NDUFA8: variants seen among roughly 807,000 people sequenced by gnomAD.
The protein encoded by NDUFA8 is NADH dehydrogenase [ubiquinone] 1 alpha subcomplex subunit 8.
NDUFA8 carries 16 observed loss-of-function variants against 20.9 expected under a neutral mutation model. The observed-to-expected ratio is 0.77, with a 90% CI of 0.52 to 1.16. The LOEUF (loss-of-function observed/expected upper bound fraction) is 1.16, where lower values mean the gene tolerates loss of function less well. NDUFA8 is among the 50% of genes most tolerant of loss of function. The pLI is 0.00. For synonymous variants in NDUFA8, 70 were observed against 76.1 expected, an observed-to-expected ratio of 0.92 and a Z score of 0.41; for missense variants, 202 against 216.4, an observed-to-expected ratio of 0.93 and a Z score of 0.42.
intron 3 of NDUFA8, among the ~76,000 whole-genome samples, chr9:122,147,599 G>A (rs1034913881): frequency 6.7e-6 from 1 of 149,340 alleles, no homozygotes; most frequent in Non-Finnish European, 1.5e-5. Flanking sequence ...ACCTGCACAT[G>A]CTAGAAGGCC....
chr9:122,151,606 A>C (rs1828999583), intron 2 of NDUFA8, among the ~76,000 whole-genome samples: 1 of 152,236 alleles, frequency 6.6e-6, no homozygotes, highest in Admixed American at 6.5e-5. Flanking sequence ...GAGGAGAGGC[A>C]AAAAGACATC....
rs144501532 is a variant in NDUFA8 at position 122,158,121 on chromosome 9, C to G, written c.51+1506G>C. Among the ~76,000 whole-genome samples, 523 of 152,280 alleles carry G rather than the reference C, an allele frequency of 3.4e-3. 4 individuals carry two copies. Among genetic ancestry groups the G allele is most frequent in the Middle Eastern group, 6.8e-3 (2 of 294 alleles). On this transcript the variant is annotated intron_variant, in intron 1 of 3. Coordinates refer to ENST00000373768, the MANE Select transcript of NDUFA8 (RefSeq NM_014222.3). ...TGGGCCAATATCGCGCCACTGCACT[C>G]CAGCCTGGGCAACAGAGCGAGACTC...
In NDUFA8 at chr9:122,148,168, C is replaced by A; in HGVS notation, c.325G>T (p.Glu109Ter). The change falls in exon 3 of 4, where the codon GAG becomes TAG. Residue 109 changes from glutamate (E) to a stop codon, truncating the protein, a stop_gained. Transcript: ENST00000373768. LOFTEE classifies it high-confidence loss of function. ...CAGCCCAGTTTGTCCAGCACACACT[C>A]GTCAAACTTTGCCTGCTGTTTGCGA... ...HCRKQQAKFDECVLDKLGWVR... is the reference protein window; with the variant it reads ...HCRKQQAKFD The A allele has an allele frequency of 6.2e-7, 1 of 1,614,144 alleles. No individual in the cohort carries two copies. The highest frequency in any genetic ancestry group is 2.2e-5 in the East Asian group (1 of 44,880).
At chr9:122,154,211 C>T (rs527669617) in intron 1 of NDUFA8, among the ~76,000 whole-genome samples, 2 of 152,342 alleles carry the variant, frequency 1.3e-5, no homozygotes, top group East Asian at 1.9e-4. Flanking sequence ...ATGTTGACTA[C>T]GGTACACACC....
At chr9:122,157,403 C>A (rs760600222) in intron 1 of NDUFA8, among the ~76,000 whole-genome samples, 1 of 152,236 alleles carries the variant, frequency 6.6e-6, no homozygotes, top group African/African-American at 2.4e-5. Context: ...AGGTGACCGG[C>A]AGGTAGGCCT....
chr9:122,155,508 A>G lies in NDUFA8; in HGVS notation c.52-3100T>C, dbSNP rs570619091. The stretch of plus-strand genomic sequence containing the variant: ...TATGACTATGTCTATTAATAGTGCA[A>G]CTGTTATAATTATCAAAGATAAAGT... On this transcript the variant is annotated intron_variant, in intron 1 of 3. Coordinates refer to ENST00000373768, the MANE Select transcript of NDUFA8 (RefSeq NM_014222.3). Among the ~76,000 whole-genome samples, 3 of 152,396 alleles carry G rather than the reference A, an allele frequency of 2.0e-5. No homozygotes were observed. The South Asian group carries it at 6.2e-4, about 32-fold the overall frequency.
downstream of NDUFA8, among the ~76,000 whole-genome samples, chr9:122,139,935 T>C (rs1828797629): frequency 6.6e-6 from 1 of 152,164 alleles, no homozygotes; most frequent in African/African-American, 2.4e-5. Flanking sequence ...TCAGGTGATC[T>C]GCCTGCCTCA....
At chr9:122,140,852 G>A (rs1255516078), downstream of NDUFA8, among the ~76,000 whole-genome samples, 3 of 152,132 alleles carry the variant, frequency 2.0e-5, no homozygotes, top group Non-Finnish European at 4.4e-5. Context: ...GTACAGAAAG[G>A]TTAAGTATCT....
chr9:122,137,687 C>G, the NDUFA8 span, among the ~76,000 whole-genome samples: 3 of 152,138 alleles, frequency 2.0e-5, no homozygotes, highest in African/African-American at 7.2e-5. Context: ...ATGAATTGCC[C>G]AGGTGATTAG....
the NDUFA8 span, among the ~76,000 whole-genome samples, chr9:122,139,022 C>T: frequency 1.3e-5 from 2 of 152,122 alleles, no homozygotes; most frequent in Non-Finnish European, 2.9e-5. Flanking sequence ...GGAGGCTGGA[C>T]TTTACCCAGC....
At chr9:122,153,605 A>G (rs1164280932) in intron 1 of NDUFA8, among the ~76,000 whole-genome samples, 1 of 152,178 alleles carries the variant, frequency 6.6e-6, no homozygotes, top group African/African-American at 2.4e-5. Context: ...GGGCCTACAA[A>G]CAGCTGCTTA....
At chr9:122,143,089 T>A (rs762544488), downstream of NDUFA8, among the ~76,000 whole-genome samples, 5 of 152,146 alleles carry the variant, frequency 3.3e-5, no homozygotes, top group African/African-American at 4.8e-5. Flanking sequence ...ACAGTGCTTT[T>A]TCTTTGAACT....
intron 2 of NDUFA8, among the ~76,000 whole-genome samples, chr9:122,151,033 T>A (rs1828988864): frequency 1.3e-5 from 2 of 150,704 alleles, no homozygotes; most frequent in African/African-American, 4.9e-5. Flanking sequence ...TCGAAGAGTG[T>A]TTCCAATAAT....
At chr9:122,150,045 A>G (rs1442305587) in intron 2 of NDUFA8, among the ~76,000 whole-genome samples, 2 of 152,222 alleles carry the variant, frequency 1.3e-5, no homozygotes, top group Non-Finnish European at 2.9e-5. Flanking sequence ...ACATCCAAAA[A>G]TATTTGCACC....
chr9:122,157,804 A>G (rs1564411462), intron 1 of NDUFA8, among the ~76,000 whole-genome samples: 1 of 152,220 alleles, frequency 6.6e-6, no homozygotes, highest in Non-Finnish European at 1.5e-5. Context: ...TCTGAGGAAA[A>G]TAACAGTTGC....
chr9:122,136,109 G>A, the NDUFA8 span, among the ~76,000 whole-genome samples: 1 of 152,112 alleles, frequency 6.6e-6, no homozygotes, highest in Non-Finnish European at 1.5e-5. Context: ...TGGCTCTATT[G>A]CAACTTATTT....
downstream of NDUFA8, among the ~76,000 whole-genome samples, chr9:122,140,737 T>C (rs190155397): frequency 3.9e-4 from 59 of 152,348 alleles, no homozygotes; most frequent in Non-Finnish European, 6.9e-4. Flanking sequence ...CCCTCTACTA[T>C]GCATTTTGTG....
chr9:122,134,915 G>A, the NDUFA8 span, among the ~76,000 whole-genome samples: 583 of 152,298 alleles, frequency 3.8e-3, 5 homozygotes, highest in African/African-American at 0.013. Context: ...GCCTGCTGAC[G>A]TCACCAGCAG....
At position 122,146,917 on chromosome 9, in the gene NDUFA8, T is replaced by G. The variant is rs188270358; in HGVS notation, c.381+1195A>C. On this transcript the variant is annotated intron_variant, in intron 3 of 3. Coordinates refer to ENST00000373768, the MANE Select transcript of NDUFA8 (RefSeq NM_014222.3). ...GTTTTTTCCTCCATGCCTTGCTACC[T>G]GTGCTGCTCCACAGGGAACAGAGGG... is the stretch of plus-strand genomic sequence containing the variant. 1.6e-4 allele frequency among the ~76,000 whole-genome samples: 25 copies of G among 152,260 alleles called. No individual in the cohort carries two copies. In the East Asian group the frequency reaches 4.8e-3, roughly 29 times the overall value.
Sources: gnomAD v4.1 joint callset for allele counts (sites outside exome capture counted in the v4.1 genomes callset) on GRCh38, gnomAD v4.1.1 for gene constraint, MANE v1.5 for transcripts, NCBI Gene and HGNC (gene_info 2026-07-23, HGNC 2026-07-21) for gene names.